The following BPIFC variants were observed in gnomAD, a reference collection of about 807,000 sequenced individuals.
The protein encoded by BPIFC is BPI fold containing family C.
A neutral mutation model predicts 57.6 loss-of-function variants in BPIFC; 60 were observed. The ratio of observed to expected loss-of-function variants is 1.04; its 90% confidence interval spans 0.85 to 1.29. The LOEUF is 1.29. Ranked by LOEUF, BPIFC falls within the 50% of genes most tolerant of loss-of-function variation. The pLI is 0.00. For synonymous variants in BPIFC, 243 were observed against 224.5 expected, an observed-to-expected ratio of 1.08 and a Z score of -0.74; for missense variants, 581 against 600.5, an observed-to-expected ratio of 0.97 and a Z score of 0.34.
intron 13 of BPIFC, 22 bp downstream of exon 13, chr22:32,431,325 C>T (rs775081167): frequency 6.3e-7 from 1 of 1,597,922 alleles, no homozygotes; most frequent in Non-Finnish European, 8.6e-7. Context: ...GGTGCCCCAA[C>T]AGTCAAATTG....
At chr22:32,462,168 C>CAAAAAAAAAAAAAAAAAAAA (rs35716277) in intron 1 of BPIFC, among the ~76,000 whole-genome samples, 14 of 53,588 alleles carry the variant, frequency 2.6e-4, no homozygotes, top group Non-Finnish European at 3.6e-4. Flanking sequence ...GACTCCATCT[C>CAAAAAAAAAAAAAAAAAAAA]AAAAAAAAAA....
chr22:32,458,461 A>G (rs1481461963), intron 2 of BPIFC, among the ~76,000 whole-genome samples: 1 of 151,968 alleles, frequency 6.6e-6, no homozygotes, highest in Non-Finnish European at 1.5e-5. Context: ...CCATTGCTTT[A>G]TTTTCTCCAA....
At chr22:32,446,770 G>GC (rs2145952434) in intron 5 of BPIFC, 1 of 985,388 alleles carries the variant, frequency 1.0e-6, no homozygotes, top group African/African-American at 1.7e-5. Flanking sequence ...GGGTGCAAAG[G>GC]CCTTCCAGTT....
intron 9 of BPIFC, among the ~76,000 whole-genome samples, chr22:32,436,717 C>CA (rs1346541087): frequency 6.6e-6 from 1 of 152,128 alleles, no homozygotes; most frequent in Non-Finnish European, 1.5e-5. Context: ...CCTGAGGTGC[C>CA]ATGTAGTGGT....
intron 4 of BPIFC, among the ~76,000 whole-genome samples, chr22:32,452,453 G>A (rs1397899818): frequency 6.6e-5 from 10 of 151,910 alleles, no homozygotes; most frequent in African/African-American, 1.7e-4. Flanking sequence ...TGGCTAACAC[G>A]GTGAAACCCC....
chr22:32,437,432 C>T (rs1934440107), intron 9 of BPIFC, among the ~76,000 whole-genome samples: 1 of 151,978 alleles, frequency 6.6e-6, no homozygotes, highest in Non-Finnish European at 1.5e-5. Context: ...GCTCTGTCAC[C>T]CAGGCTGGAA....
intron 13 of BPIFC, among the ~76,000 whole-genome samples, chr22:32,425,151 C>T (rs1934030988): frequency 2.0e-5 from 3 of 152,234 alleles, no homozygotes; most frequent in East Asian, 1.9e-4. Flanking sequence ...TAAATACTCA[C>T]TGCTTTGAAA....
rs544343582 is a variant in BPIFC, at chr22:32,426,919, G to T, written c.1217+4428C>A. On this transcript the variant is annotated intron_variant, in intron 13 of 16. Transcript: ENST00000300399. ...AAAAAAAAAAGAAAGAAAGAAAAAA[G>T]AAATTCTTAATCCTTTTGAAAAGAG... Among the ~76,000 whole-genome samples, 11 of 151,194 alleles carry T rather than the reference G, an allele frequency of 7.3e-5. No homozygotes were observed. In the East Asian group the frequency reaches 1.9e-3, roughly 27 times the overall value.
chr22:32,455,594 T>C (rs1288946122), intron 3 of BPIFC, among the ~76,000 whole-genome samples: 1 of 152,140 alleles, frequency 6.6e-6, no homozygotes, highest in Non-Finnish European at 1.5e-5. Flanking sequence ...GGAGGTTCAG[T>C]AACTTGCCCG....
intron 3 of BPIFC, among the ~76,000 whole-genome samples, chr22:32,453,839 T>C (rs900570917): frequency 2.0e-5 from 3 of 152,120 alleles, no homozygotes; most frequent in African/African-American, 7.2e-5. Context: ...TCCCAGCACT[T>C]TGGGAGGTTG....
chr22:32,457,650 C>A (rs1179222771), intron 2 of BPIFC, among the ~76,000 whole-genome samples: 2 of 152,074 alleles, frequency 1.3e-5, no homozygotes, highest in Non-Finnish European at 2.9e-5. Context: ...TTATTGAACA[C>A]ACCAGCATGT....
In BPIFC at chr22:32,458,093, C is replaced by T. The variant is rs149165118; in HGVS notation, c.1-707G>A. Among the ~76,000 whole-genome samples the T allele has an allele frequency of 6.7e-3, 1,013 of 152,214 alleles. 11 individuals are homozygous for T. Among genetic ancestry groups the T allele is most frequent in the African/African-American group, 0.023 (944 of 41,536 alleles). On this transcript the variant is annotated intron_variant, in intron 2 of 16. Coordinates refer to ENST00000300399, the MANE Select transcript of BPIFC (RefSeq NM_174932.3). ...CCCCCATTAAAGCCCTTCAGTGGTT[C>T]CCCTTCTTACTCAGTGTAAACGCCG...
At chr22:32,433,830 G>A in intron 10 of BPIFC, 58 bp from the exon 11 acceptor site, 1 of 1,414,792 alleles carries the variant, frequency 7.1e-7, no homozygotes, top group Non-Finnish European at 1.0e-6. Flanking sequence ...GTCTTTTCAG[G>A]GAAAATGTAG....
intron 13 of BPIFC, among the ~76,000 whole-genome samples, chr22:32,422,227 G>A (rs1384115095): frequency 6.6e-6 from 1 of 152,184 alleles, no homozygotes; most frequent in Non-Finnish European, 1.5e-5. Flanking sequence ...CAGGCCAACA[G>A]GTTACCCAGG....
At chr22:32,425,776 G>A (rs1934051436) in intron 13 of BPIFC, among the ~76,000 whole-genome samples, 5 of 152,202 alleles carry the variant, frequency 3.3e-5, no homozygotes, top group Admixed American at 3.3e-4. Flanking sequence ...CCTGGAGGTA[G>A]GTACTATTAT....
chr22:32,451,846 T>C (rs1388172506), intron 4 of BPIFC, among the ~76,000 whole-genome samples: 2 of 152,226 alleles, frequency 1.3e-5, no homozygotes, highest in Non-Finnish European at 2.9e-5. Context: ...ATATATTTAA[T>C]GTCCATCTCT....
At chr22:32,445,731 A>AAAAAAAAAAAAAAT in intron 6 of BPIFC, 33 bp from the exon 7 acceptor site, 3 of 1,532,452 alleles carry the variant, frequency 2.0e-6, no homozygotes, top group South Asian at 2.5e-5. Context: ...AAAAAAAAAA[A>AAAAAAAAAAAAAAT]AAAAGAGGTT....
intron 4 of BPIFC, among the ~76,000 whole-genome samples, chr22:32,449,936 G>A (rs1024101756): frequency 6.6e-6 from 1 of 151,772 alleles, no homozygotes; most frequent in African/African-American, 2.4e-5. Flanking sequence ...GGGTTTCACC[G>A]TGTTAGCCAG....
chr22:32,442,753 GA>G, intron 7 of BPIFC, 22 bp from the exon 8 acceptor site: 2 of 1,609,292 alleles, frequency 1.2e-6, no homozygotes, highest in Non-Finnish European at 1.7e-6. Context: ...GGAATAAAAA[GA>G]AAAAAGCAAG....
Sources: allele counts gnomAD v4.1 joint callset (sites outside exome capture counted in the v4.1 genomes callset), GRCh38; gene constraint gnomAD v4.1.1; transcripts MANE v1.5; gene names NCBI Gene and HGNC (gene_info 2026-07-23, HGNC 2026-07-21).